Variants in BRINP3 observed in about 807,000 individuals in gnomAD.
BRINP3 encodes BMP/retinoic acid inducible neural specific 3.
In BRINP3, 19 loss-of-function variants were observed where a neutral mutation model predicts 71.0. The observed-to-expected ratio is 0.27, with a 90% CI of 0.19 to 0.39. The LOEUF (loss-of-function observed/expected upper bound fraction) is 0.39, where lower values mean the gene tolerates loss of function less well. Among genes scored for constraint, BRINP3 ranks in the 10% least tolerant of loss-of-function variants. BRINP3 has a pLI of 1.00. For missense variants in BRINP3, 959 were observed against 940.8 expected, an observed-to-expected ratio of 1.02 and a Z score of -0.25; for synonymous variants, 380 against 337.7, an observed-to-expected ratio of 1.13 and a Z score of -1.37.
chr1:190,263,512 A>G (rs1177692), intron 4 of BRINP3, among the ~76,000 whole-genome samples: 2,334 of 152,220 alleles, frequency 0.015, 76 homozygotes, highest in African/African-American at 0.052. Context: ...CATCCCGAAC[A>G]AAAAGATATA....
chr1:190,218,525 T>C (rs1455117399), intron 6 of BRINP3, among the ~76,000 whole-genome samples: 3 of 152,126 alleles, frequency 2.0e-5, no homozygotes, highest in African/African-American at 7.2e-5. Context: ...GAAGAATGAG[T>C]AATTCAAACT....
chr1:190,241,552 G>T (rs1659099522), intron 4 of BRINP3, among the ~76,000 whole-genome samples: 1 of 151,952 alleles, frequency 6.6e-6, no homozygotes, highest in South Asian at 2.1e-4. Flanking sequence ...AATTACAATG[G>T]TGTAGTATAT....
At chr1:190,238,059 A>G (rs1003565684) in intron 4 of BRINP3, among the ~76,000 whole-genome samples, 31 of 152,028 alleles carry the variant, frequency 2.0e-4, no homozygotes, top group African/African-American at 7.5e-4. Flanking sequence ...TGATACCTGC[A>G]TCTTGACAAA....
At chr1:190,294,965 T>C (rs753392035) in intron 2 of BRINP3, among the ~76,000 whole-genome samples, 4 of 151,832 alleles carry the variant, frequency 2.6e-5, no homozygotes, top group Non-Finnish European at 5.9e-5. Context: ...CCTCCCACTT[T>C]CCCTCAAGCA....
intron 4 of BRINP3, among the ~76,000 whole-genome samples, chr1:190,244,650 G>A (rs1323168540): frequency 6.6e-6 from 1 of 152,036 alleles, no homozygotes; most frequent in African/African-American, 2.4e-5. Flanking sequence ...AAATCCCGAC[G>A]AACAGTCTTT....
chr1:190,182,931 A>G (rs1248595144), intron 6 of BRINP3, among the ~76,000 whole-genome samples: 1 of 152,092 alleles, frequency 6.6e-6, no homozygotes, highest in Admixed American at 6.6e-5. Context: ...AATTACTTAT[A>G]ACTGTAAGTG....
At chr1:190,117,283 A>T (rs1653227050) in intron 7 of BRINP3, among the ~76,000 whole-genome samples, 1 of 152,006 alleles carries the variant, frequency 6.6e-6, no homozygotes, top group African/African-American at 2.4e-5. Flanking sequence ...AATACATAAG[A>T]TTTATAAGTA....
intron 2 of BRINP3, among the ~76,000 whole-genome samples, chr1:190,301,204 C>CATATATATATATATATAT (rs369121473): frequency 1.3e-4 from 14 of 106,324 alleles, no homozygotes; most frequent in South Asian, 3.6e-4. Context: ...TATACACATA[C>CATATATATATATATATAT]ATATATATAT....
chr1:190,237,187 A>G (rs907543139), intron 4 of BRINP3, among the ~76,000 whole-genome samples: 3 of 151,836 alleles, frequency 2.0e-5, no homozygotes, highest in African/African-American at 7.2e-5. Context: ...AATTTAGCAT[A>G]TCATATTTAT....
chr1:190,328,478 T>A (rs1185685234), intron 2 of BRINP3, among the ~76,000 whole-genome samples: 3 of 151,890 alleles, frequency 2.0e-5, no homozygotes, highest in Non-Finnish European at 4.4e-5. Context: ...TCTCCCAGGA[T>A]TAAATCAGAA....
intron 2 of BRINP3, among the ~76,000 whole-genome samples, chr1:190,386,606 A>G (rs1240128696): frequency 6.6e-6 from 1 of 151,982 alleles, no homozygotes; most frequent in Non-Finnish European, 1.5e-5. Flanking sequence ...TAAGGAATCA[A>G]TATTGCCTAC....
At chr1:190,413,840 T>C (rs1391654523) in intron 2 of BRINP3, among the ~76,000 whole-genome samples, 3 of 152,210 alleles carry the variant, frequency 2.0e-5, no homozygotes, top group Admixed American at 6.5e-5. Context: ...TGTTATATTG[T>C]TAATTTTAAA....
chr1:190,429,733 G>T (rs1467294597), intron 2 of BRINP3, among the ~76,000 whole-genome samples: 1 of 151,792 alleles, frequency 6.6e-6, no homozygotes, highest in Non-Finnish European at 1.5e-5. Flanking sequence ...TGGGATTACA[G>T]GAAGCTGCCA....
intron 2 of BRINP3, among the ~76,000 whole-genome samples, chr1:190,329,043 G>A (rs1014839392): frequency 4.6e-5 from 7 of 151,972 alleles, no homozygotes; most frequent in African/African-American, 1.2e-4. Flanking sequence ...AGAGCCATAC[G>A]TGACAAACCC....
intron 7 of BRINP3, among the ~76,000 whole-genome samples, chr1:190,156,638 A>G (rs1656891717): frequency 6.6e-6 from 1 of 152,070 alleles, no homozygotes; most frequent in African/African-American, 2.4e-5. Context: ...TCAAACTTCA[A>G]TAAACAAATT....
chr1:190,173,243 C>T (rs565955719), intron 6 of BRINP3, among the ~76,000 whole-genome samples: 28 of 152,280 alleles, frequency 1.8e-4, no homozygotes, highest in Middle Eastern at 3.4e-3. Flanking sequence ...TATAAAACTA[C>T]TTGCAGCATC....
At chr1:190,145,683 A>C (rs1655822171) in intron 7 of BRINP3, among the ~76,000 whole-genome samples, 1 of 152,222 alleles carries the variant, frequency 6.6e-6, no homozygotes, top group African/African-American at 2.4e-5. Context: ...GTATCTACCC[A>C]AAGGAAAAGA....
intron 2 of BRINP3, among the ~76,000 whole-genome samples, chr1:190,353,121 G>A (rs1668505168): frequency 6.7e-6 from 1 of 149,942 alleles, no homozygotes; most frequent in Non-Finnish European, 1.5e-5. Flanking sequence ...CAGAGAACAT[G>A]TTGTGTTTTA....
At chr1:190,339,184 G>A (rs138391626) in intron 2 of BRINP3, among the ~76,000 whole-genome samples, 1 of 151,886 alleles carries the variant, frequency 6.6e-6, no homozygotes, top group Admixed American at 6.6e-5. Flanking sequence ...CACAAAAATA[G>A]TTAATCTACT....
Sources: allele counts gnomAD v4.1 joint callset (sites outside exome capture counted in the v4.1 genomes callset), GRCh38; gene constraint gnomAD v4.1.1; transcripts MANE v1.5; gene names NCBI Gene and HGNC (gene_info 2026-07-23, HGNC 2026-07-21).